The following LDB2 variants were observed in gnomAD, a reference collection of about 807,000 sequenced individuals.
The protein encoded by LDB2 is LIM domain-binding protein 2.
Under a neutral mutation model 44.3 loss-of-function variants are expected in LDB2, and 12 were observed. The observed-to-expected ratio is 0.27, with a 90% CI of 0.17 to 0.44. LDB2 has a LOEUF of 0.44. LDB2 is among the 20% of genes least tolerant of loss of function. The pLI is 1.00. For missense variants in LDB2, 344 were observed against 473.5 expected (o/e 0.73, Z 2.54); for synonymous variants, 164 against 174.8 (o/e 0.94, Z 0.49).
At chr4:16,623,583 C>A (rs1411941644) in intron 2 of LDB2, among the ~76,000 whole-genome samples, 1 of 151,012 alleles carries the variant, frequency 6.6e-6, no homozygotes, top group Non-Finnish European at 1.5e-5. Flanking sequence ...GCTGACAGAG[C>A]AAGACTCTGT....
intron 2 of LDB2, among the ~76,000 whole-genome samples, chr4:16,728,398 G>A (rs1760000296): frequency 6.6e-6 from 1 of 152,130 alleles, no homozygotes; most frequent in Non-Finnish European, 1.5e-5. Flanking sequence ...GAGATAGCTA[G>A]ATTAGCTAGC....
intron 5 of LDB2, among the ~76,000 whole-genome samples, chr4:16,583,715 C>T (rs752024636): frequency 2.0e-5 from 3 of 152,302 alleles, no homozygotes; most frequent in Non-Finnish European, 4.4e-5. Flanking sequence ...GTTTGAGATC[C>T]GCTCAGCCAT....
chr4:16,505,717 A>T, intron 7 of LDB2: 1 of 814,914 alleles, frequency 1.2e-6, no homozygotes, highest in Non-Finnish European at 1.8e-6. Context: ...CATCTGAGAG[A>T]GGTCCATATG....
intron 2 of LDB2, among the ~76,000 whole-genome samples, chr4:16,726,100 T>C (rs958144567): frequency 7.2e-5 from 11 of 151,942 alleles, no homozygotes; most frequent in African/African-American, 2.7e-4. Context: ...ATAATACTTT[T>C]ATCTTAAACA....
intron 5 of LDB2, among the ~76,000 whole-genome samples, chr4:16,526,700 G>C (rs1279415794): frequency 3.3e-5 from 5 of 152,206 alleles, no homozygotes; most frequent in Admixed American, 6.5e-5. Context: ...GAAAATAAAA[G>C]GGTGCCAGGA....
chr4:16,759,416 C>T, intron 1 of LDB2, 156 bp from the exon 2 acceptor site: 1 of 586,574 alleles, frequency 1.7e-6, no homozygotes, highest in South Asian at 2.2e-5. Flanking sequence ...GGCGGTCACT[C>T]TTCAAATTAA....
In LDB2 at chr4:16,703,054, T is replaced by C. The variant is rs985719746; in HGVS notation, c.235+56104A>G. The stretch of plus-strand genomic sequence containing the variant: ...TGTCTATACACAACCAACCCTCATT[T>C]ATCCAGCGTCTTCTGTGTGCCAATC... On this transcript the variant is annotated intron_variant, in intron 2 of 7. Coordinates refer to ENST00000304523, the MANE Select transcript of LDB2 (RefSeq NM_001290.5). Among the ~76,000 whole-genome samples, 5 of 152,306 alleles carry C rather than the reference T, an allele frequency of 3.3e-5. No individual in the cohort carries two copies. In the East Asian group the frequency reaches 9.7e-4, roughly 29 times the overall value.
chr4:16,662,552 C>A (rs1168753426), intron 2 of LDB2, among the ~76,000 whole-genome samples: 1 of 152,106 alleles, frequency 6.6e-6, no homozygotes, highest in African/African-American at 2.4e-5. Flanking sequence ...TGTCCCCACC[C>A]AAATCTCACC....
intron 2 of LDB2, among the ~76,000 whole-genome samples, chr4:16,754,525 ATT>A (rs1237200033): frequency 0.018 from 2,488 of 140,830 alleles, 23 homozygotes; most frequent in African/African-American, 0.02. Context: ...TGATGGCAGT[ATT>A]TTTTTTTTTT....
intron 2 of LDB2, among the ~76,000 whole-genome samples, chr4:16,682,033 T>C (rs1748077338): frequency 6.6e-6 from 1 of 152,178 alleles, no homozygotes; most frequent in Admixed American, 6.5e-5. Context: ...ACTGACTGAT[T>C]TTCCAGGTGA....
intron 2 of LDB2, among the ~76,000 whole-genome samples, chr4:16,677,892 T>G (rs1270808429): frequency 1.3e-5 from 2 of 152,236 alleles, no homozygotes; most frequent in South Asian, 4.1e-4. Flanking sequence ...AGGCCTATTT[T>G]TGCCAAATTT....
At chr4:16,693,634 C>G (rs1407831978) in intron 2 of LDB2, among the ~76,000 whole-genome samples, 1 of 152,154 alleles carries the variant, frequency 6.6e-6, no homozygotes, top group African/African-American at 2.4e-5. Context: ...AATCTGATCA[C>G]CTTCTGTGGT....
At chr4:16,609,550 C>T (rs1370104219) in intron 2 of LDB2, among the ~76,000 whole-genome samples, 2 of 152,202 alleles carry the variant, frequency 1.3e-5, no homozygotes, top group African/African-American at 2.4e-5. Context: ...GGTCCCAAGA[C>T]GTGTCCCCAC....
chr4:16,508,435 A>AT (rs373952474), intron 7 of LDB2, 100 bp downstream of exon 7: 83,107 of 822,426 alleles, frequency 0.1, 47 homozygotes, highest in East Asian at 0.15. Context: ...CCTGCCCAGG[A>AT]TTTTTTTTTT....
At chr4:16,527,432 A>C (rs1167051094) in intron 5 of LDB2, among the ~76,000 whole-genome samples, 1 of 152,128 alleles carries the variant, frequency 6.6e-6, no homozygotes, top group Non-Finnish European at 1.5e-5. Context: ...AAAAAAATAG[A>C]TGTTGGCGTG....
intron 2 of LDB2, among the ~76,000 whole-genome samples, chr4:16,640,104 C>A (rs977126133): frequency 2.0e-5 from 3 of 152,186 alleles, no homozygotes; most frequent in African/African-American, 2.4e-5. Context: ...TTGAAGCACC[C>A]TAGCTTTCTC....
chr4:16,851,477 C>A (rs1788238032), intron 1 of LDB2, among the ~76,000 whole-genome samples: 1 of 151,730 alleles, frequency 6.6e-6, no homozygotes, highest in African/African-American at 2.4e-5. Flanking sequence ...ACCTGTAATC[C>A]CAGCTACTTG....
intron 1 of LDB2, among the ~76,000 whole-genome samples, chr4:16,795,941 G>T (rs1776647272): frequency 6.6e-6 from 1 of 152,070 alleles, no homozygotes; most frequent in Non-Finnish European, 1.5e-5. Context: ...CAATGTTTGG[G>T]GTACTGAGAG....
chr4:16,578,219 TA>T (rs375085330), intron 5 of LDB2, among the ~76,000 whole-genome samples: 5 of 152,150 alleles, frequency 3.3e-5, no homozygotes, highest in African/African-American at 1.2e-4. Context: ...CACATCAAGT[TA>T]AAAACTTTCT....
Sources: gnomAD v4.1 joint callset for allele counts (sites outside exome capture counted in the v4.1 genomes callset) on GRCh38, gnomAD v4.1.1 for gene constraint, MANE v1.5 for transcripts, NCBI Gene and HGNC (gene_info 2026-07-23, HGNC 2026-07-21) for gene names.